Variants in ATIC observed in about 807,000 individuals in gnomAD.
ATIC encodes 5-aminoimidazole-4-carboxamide ribonucleotide formyltransferase/IMP cyclohydrolase.
A neutral mutation model predicts 72.5 loss-of-function variants in ATIC; 64 were observed. The observed-to-expected ratio is 0.88, with a 90% CI of 0.72 to 1.09. The LOEUF is 1.09. Ranked by LOEUF, ATIC falls within the 50% of genes least tolerant of loss-of-function variation. ATIC has a pLI of 0.00. For missense variants in ATIC, 787 were observed against 732.4 expected (o/e 1.07, Z -0.86); for synonymous variants, 281 against 267.1 (o/e 1.05, Z -0.51).
At position 215,349,158 on chromosome 2, in the gene ATIC, A is replaced by T. The variant is rs1248010212; in HGVS notation, c.1568A>T (p.Glu523Val). 1.2e-6 allele frequency: 2 copies of T among 1,614,136 alleles called. No homozygotes were observed. Among genetic ancestry groups the T allele is most frequent in the East Asian group, 4.5e-5 (2 of 44,868 alleles). Reference sequence around the variant, plus strand: ...GTCCCTGAGTTACTCACTGAGGCAGAGAAGAAGGAATGGGTTGAGAAACTG... The same window carrying T: ...GTCCCTGAGTTACTCACTGAGGCAGTGAAGAAGGAATGGGTTGAGAAACTG... ...EEVPELLTEA[E>V]KKEWVEKLTE... The change falls in exon 15 of 16, where the codon GAG becomes GTG. Residue 523 changes from glutamate (E) to valine (V), a missense_variant. Coordinates refer to ENST00000236959, the MANE Select transcript of ATIC (RefSeq NM_004044.7).
intron 3 of ATIC, among the ~76,000 whole-genome samples, chr2:215,318,640 A>G (rs1379080778): frequency 1.3e-5 from 2 of 152,166 alleles, no homozygotes; most frequent in Non-Finnish European, 2.9e-5. Context: ...TTCACCTAAG[A>G]ATGAATTGTA....
rs1368281328 is a variant in ATIC at position 215,326,712 on chromosome 2, A to G, written c.532-110A>G. 4 of 1,343,278 alleles carry G rather than the reference A, an allele frequency of 3.0e-6. No homozygotes were observed. The East Asian group carries it at 9.2e-5, about 31-fold the overall frequency. 83.2% of individuals were successfully genotyped at this position (1,343,278 alleles called of 1,614,324 possible). ...GGTGTCATCGTGTTGTGCAGCCACC[A>G]CATAGCACTGAATAGTGAGGAGATG... On this transcript the variant is annotated intron_variant, in intron 6 of 15. Coordinates refer to ENST00000236959, the MANE Select transcript of ATIC (RefSeq NM_004044.7).
Position 215,326,058 on chromosome 2 carries a change from T to G in ATIC, c.451T>G (p.Tyr151Asp). ...RVTVVCEPED[Y>D]VVVSTEMQSS... ...GACAGTGGTGTGTGAACCAGAGGAC[T>G]ATGTGGTGGTGTCCACGGAGATGCA... The change falls in exon 6 of 16, where the codon TAT becomes GAT. Residue 151 changes from tyrosine to aspartate, a missense_variant. Physicochemically the swap from Tyr to Asp is radical, Grantham distance 160. Coordinates refer to ENST00000236959, the MANE Select transcript of ATIC (RefSeq NM_004044.7). 1 of 1,614,126 alleles carries G rather than the reference T, an allele frequency of 6.2e-7. No individual in the cohort carries two copies. The highest frequency in any genetic ancestry group is 8.5e-7 in the Non-Finnish European group (1 of 1,180,010).
At chr2:215,365,453 A>G in the ATIC span, 2 of 1,584,760 alleles carry the variant, frequency 1.3e-6, no homozygotes, top group Non-Finnish European at 1.7e-6. Context: ...CAGCCTGATA[A>G]TGAAAGTGAG....
At chr2:215,364,968 C>T in the ATIC span, 67 of 1,578,802 alleles carry the variant, frequency 4.2e-5, no homozygotes, top group Non-Finnish European at 5.3e-5. Flanking sequence ...TTCCCATCAT[C>T]ATAACACGTT....
At chr2:215,345,028 T>G in intron 13 of ATIC, 157 bp downstream of exon 13, 2 of 763,216 alleles carry the variant, frequency 2.6e-6, no homozygotes, top group Non-Finnish European at 2.2e-6. Flanking sequence ...CCTGGTGGGC[T>G]GTTAAAACTA....
intron 14 of ATIC, chr2:215,347,634 CA>C: frequency 2.0e-6 from 1 of 490,490 alleles, no homozygotes; most frequent in South Asian, 1.5e-5. Flanking sequence ...CAGGAATCAA[CA>C]TAAGTGTCAT....
At chr2:215,352,317 C>T (rs1298083592), downstream of ATIC, among the ~76,000 whole-genome samples, 1 of 152,142 alleles carries the variant, frequency 6.6e-6, no homozygotes, top group African/African-American at 2.4e-5. Context: ...CATGGTGGTT[C>T]ACACCTGTAA....
intron 12 of ATIC, among the ~76,000 whole-genome samples, chr2:215,343,120 A>G (rs1298601803): frequency 6.6e-6 from 1 of 151,052 alleles, no homozygotes; most frequent in African/African-American, 2.4e-5. Context: ...GAGTGATCCA[A>G]TGTCTCTGCA....
rs1304338356 is a variant in ATIC, at chr2:215,346,954, G to A, written c.1503+13G>A. On this transcript the variant is annotated intron_variant, in intron 14 of 15. Coordinates refer to ENST00000236959, the MANE Select transcript of ATIC (RefSeq NM_004044.7). Reference sequence around the variant, plus strand: ...AACCATTGGCGAGGTGAAAGACTTGGCATTGGGTTCTCGGCTGTGTTAATA... The same window carrying A: ...AACCATTGGCGAGGTGAAAGACTTGACATTGGGTTCTCGGCTGTGTTAATA... 15 of 1,614,004 alleles carry A rather than the reference G, an allele frequency of 9.3e-6. No homozygotes were observed. Among genetic ancestry groups the A allele is most frequent in the Non-Finnish European group, 1.2e-5 (14 of 1,179,880 alleles).
the ATIC span, among the ~76,000 whole-genome samples, chr2:215,357,340 C>T: frequency 6.6e-6 from 1 of 152,292 alleles, no homozygotes; most frequent in East Asian, 1.9e-4. Context: ...CACTTGACGC[C>T]AGCCCCAGTC....
At position 215,332,342 on chromosome 2, in the gene ATIC, G is replaced by T. The variant is rs1301179436; in HGVS notation, c.689-40G>T. 1.9e-6 allele frequency: 3 copies of T among 1,613,326 alleles called. No homozygotes were observed. In the African/African-American group the frequency reaches 4.0e-5, roughly 22 times the overall value. ...AAGTGTGCATACATCTGACCTTACT[G>T]ATCCTGCTTAGTAATGTGCATGTAT... On this transcript the variant is annotated intron_variant, in intron 7 of 15. Transcript: ENST00000236959.
chr2:215,353,290 TC>T (rs1221308328), downstream of ATIC, among the ~76,000 whole-genome samples: 1 of 152,066 alleles, frequency 6.6e-6, no homozygotes, highest in Admixed American at 6.6e-5. Flanking sequence ...CGGTTGTATT[TC>T]CCCCCTAATA....
chr2:215,351,240 G>A (rs1191136713), downstream of ATIC, among the ~76,000 whole-genome samples: 1 of 152,180 alleles, frequency 6.6e-6, no homozygotes, highest in Non-Finnish European at 1.5e-5. Flanking sequence ...TCAGTCCCAG[G>A]CAACATCTGG....
At chr2:215,322,519 A>G (rs1219258774) in intron 4 of ATIC, among the ~76,000 whole-genome samples, 1 of 151,136 alleles carries the variant, frequency 6.6e-6, no homozygotes, top group Non-Finnish European at 1.5e-5. Flanking sequence ...TTTAGTAGAG[A>G]CGGGGTTTCT....
intron 7 of ATIC, among the ~76,000 whole-genome samples, chr2:215,327,625 G>A (rs1163750292): frequency 1.3e-5 from 2 of 152,184 alleles, no homozygotes; most frequent in Non-Finnish European, 2.9e-5. Context: ...ACAAGGGAGA[G>A]TAGGGGCAGG....
chr2:215,317,818 A>G (rs2052726187), intron 2 of ATIC, among the ~76,000 whole-genome samples: 1 of 152,022 alleles, frequency 6.6e-6, no homozygotes, highest in South Asian at 2.1e-4. Context: ...TTTGTTACAT[A>G]CTGCCAAATT....
chr2:215,312,656 T>A (rs73087587), intron 2 of ATIC, 32 bp downstream of exon 2: 22,884 of 1,613,564 alleles, frequency 0.014, 982 homozygotes, highest in African/African-American at 0.14. Context: ...CAGAAAGGAG[T>A]GTGATCACAT....
chr2:215,328,919 G>A (rs972506778), intron 7 of ATIC, among the ~76,000 whole-genome samples: 4 of 151,972 alleles, frequency 2.6e-5, no homozygotes, highest in Non-Finnish European at 4.4e-5. Flanking sequence ...GTTTCACCAC[G>A]TTGGCCAGGC....
Sources: allele counts gnomAD v4.1 joint callset (sites outside exome capture counted in the v4.1 genomes callset), GRCh38; gene constraint gnomAD v4.1.1; transcripts MANE v1.5; gene names NCBI Gene and HGNC (gene_info 2026-07-23, HGNC 2026-07-21).